The following ZC3H12C variants were observed in gnomAD, a reference collection of about 807,000 sequenced individuals.
The protein encoded by ZC3H12C is probable ribonuclease ZC3H12C.
ZC3H12C carries 20 observed loss-of-function variants against 76.3 expected under a neutral mutation model. The ratio of observed to expected loss-of-function variants is 0.26; its 90% CI spans 0.18 to 0.38. The LOEUF is 0.38. ZC3H12C is among the 10% of genes least tolerant of loss of function. ZC3H12C has a pLI of 1.00. For missense variants in ZC3H12C, 874 were observed against 1,086.5 expected (o/e 0.80, Z 2.75); for synonymous variants, 352 against 399.6 (o/e 0.88, Z 1.42).
At chr11:110,154,756 T>A (rs2134192940) in intron 3 of ZC3H12C, among the ~76,000 whole-genome samples, 1 of 100,272 alleles carries the variant, frequency 1.0e-5, no homozygotes, top group South Asian at 4.5e-4. Flanking sequence ...TTAAAAATGA[T>A]AATTGGCAAG....
intron 2 of ZC3H12C, among the ~76,000 whole-genome samples, chr11:110,146,518 G>T (rs1192427959): frequency 6.6e-6 from 1 of 152,152 alleles, no homozygotes; most frequent in African/African-American, 2.4e-5. Context: ...ATCTCTGGAG[G>T]GGGTAGTAAA....
chr11:110,099,415 T>C (rs1861172446), intron 1 of ZC3H12C, among the ~76,000 whole-genome samples: 1 of 152,178 alleles, frequency 6.6e-6, no homozygotes, highest in African/African-American at 2.4e-5. Context: ...AGTTTGATGA[T>C]GAGCATTAAT....
rs1031604149 is a variant in ZC3H12C at position 110,153,061 on chromosome 11, A to G, written c.913+3A>G. ...CCGACCTGATGCTCTCATTACAGGT[A>G]GGCTTATTCCAGGCGGCTGCTTGTA... On this transcript the variant is annotated splice_donor_region_variant and intron_variant, in intron 3 of 5. Coordinates refer to ENST00000278590, the MANE Select transcript of ZC3H12C (RefSeq NM_033390.2). The G allele has an allele frequency of 1.2e-6, 2 of 1,610,396 alleles. No individual in the cohort carries two copies. Among genetic ancestry groups the G allele is most frequent in the Non-Finnish European group, 1.7e-6 (2 of 1,178,342 alleles).
At chr11:110,142,550 C>T (rs186822588) in intron 2 of ZC3H12C, among the ~76,000 whole-genome samples, 14 of 152,230 alleles carry the variant, frequency 9.2e-5, no homozygotes, top group East Asian at 1.9e-4. Flanking sequence ...CCTTATATGG[C>T]GAAGGAAATC....
At chr11:110,138,137 T>G (rs1256210910) in intron 2 of ZC3H12C, among the ~76,000 whole-genome samples, 2 of 151,990 alleles carry the variant, frequency 1.3e-5, no homozygotes, top group Admixed American at 1.3e-4. Flanking sequence ...AAAAGAAATT[T>G]TTTTGTGTGA....
intron 1 of ZC3H12C, among the ~76,000 whole-genome samples, chr11:110,103,133 A>G (rs900471984): frequency 1.3e-5 from 2 of 152,198 alleles, no homozygotes; most frequent in Admixed American, 6.5e-5. Context: ...TGAGTAAGAG[A>G]TGGTTACAAT....
At position 110,101,442 on chromosome 11, in the gene ZC3H12C, C is replaced by A. The variant is rs535968430; in HGVS notation, c.21+8010C>A. On this transcript the variant is annotated intron_variant, in intron 1 of 5. Coordinates refer to ENST00000278590, the MANE Select transcript of ZC3H12C (RefSeq NM_033390.2). ...GACAATGTCTGACTGCAAGGACAGGCTGAAGGACAAGCTGACTCTCTAAAG... is the reference window on the plus strand; with the variant it reads ...GACAATGTCTGACTGCAAGGACAGGATGAAGGACAAGCTGACTCTCTAAAG... Among the ~76,000 whole-genome samples, 31 of 152,214 alleles carry A rather than the reference C, an allele frequency of 2.0e-4. No individual in the cohort carries two copies. In the South Asian group the frequency reaches 3.7e-3, roughly 18 times the overall value.
rs1202618118 is a variant in ZC3H12C at position 110,118,062 on chromosome 11, TAC to T, written c.22-18591_22-18590del. Among the ~76,000 whole-genome samples, 42 of 64,732 alleles carry T rather than the reference TAC, an allele frequency of 6.5e-4. 9 individuals are homozygous for T. The East Asian group carries it at 0.012, about 18-fold the overall frequency. The allele number at this position is 64,732 out of a possible 152,430, so 42.5% of individuals were successfully genotyped here. A position where few individuals can be genotyped will look rare whatever the true frequency, so the allele number is the denominator to read the frequency against. ...TATATACACATATATATTATATATA[TAC>T]ACACACACATATATATTATATATAT... On this transcript the variant is annotated intron_variant, in intron 1 of 5. Transcript: ENST00000278590.
chr11:110,161,710 T>G (rs1268494029), intron 4 of ZC3H12C, among the ~76,000 whole-genome samples: 3 of 152,216 alleles, frequency 2.0e-5, no homozygotes, highest in African/African-American at 7.2e-5. Context: ...AAAGACCAGA[T>G]GTGTTCATTT....
chr11:110,103,463 T>TGCCA (rs752710080), intron 1 of ZC3H12C, among the ~76,000 whole-genome samples: 29 of 152,342 alleles, frequency 1.9e-4, no homozygotes, highest in South Asian at 1.0e-3. Context: ...ACTAACTTTA[T>TGCCA]GCCAGGTCCA....
rs116363187 is a variant in ZC3H12C, at chr11:110,115,170, G to A, written c.22-21493G>A. ...CATCCAGGCTGGAGTACAGTGGCACGATGATGGCTCACTGCAGCCTCGCAC... is the reference window on the plus strand; with the variant it reads ...CATCCAGGCTGGAGTACAGTGGCACAATGATGGCTCACTGCAGCCTCGCAC... On this transcript the variant is annotated intron_variant, in intron 1 of 5. Transcript: ENST00000278590. 1.5e-3 allele frequency among the ~76,000 whole-genome samples: 233 copies of A among 152,166 alleles called. 1 individual carries two copies. Among genetic ancestry groups the A allele is most frequent in the African/African-American group, 5.5e-3 (229 of 41,508 alleles).
At chr11:110,157,778 C>T (rs1862404130) in intron 3 of ZC3H12C, among the ~76,000 whole-genome samples, 1 of 152,158 alleles carries the variant, frequency 6.6e-6, no homozygotes, top group Non-Finnish European at 1.5e-5. Context: ...TGTCACTCTT[C>T]CATCTGTACC....
chr11:110,154,165 A>G (rs1466410657), intron 3 of ZC3H12C, among the ~76,000 whole-genome samples: 1 of 152,206 alleles, frequency 6.6e-6, no homozygotes, highest in Non-Finnish European at 1.5e-5. Context: ...TGAGCTCAGT[A>G]ATTCAAGACC....
rs776563557 is a variant in ZC3H12C, at chr11:110,159,402, G to T, written c.1060G>T (p.Asp354Tyr). The T allele has an allele frequency of 6.2e-7, 1 of 1,613,950 alleles. No individual in the cohort carries two copies. Among genetic ancestry groups the T allele is most frequent in the South Asian group, 1.1e-5 (1 of 91,016 alleles). The change falls in exon 4 of 6, where the codon GAT becomes TAT. Residue 354 changes from aspartate to tyrosine, a missense_variant. Transcript: ENST00000278590. ...FESDGIIVSN[D>Y]NYRDLANEKP... ...GTCGGACGGTATCATTGTGTCCAAT[G>T]ATAACTACAGGGACTTGGCTAATGA...
chr11:110,093,660 T>A (rs965473026), intron 1 of ZC3H12C, among the ~76,000 whole-genome samples: 2 of 151,666 alleles, frequency 1.3e-5, no homozygotes, highest in African/African-American at 4.8e-5. Flanking sequence ...CAGCGCATCC[T>A]CCCCTCGGGC....
Position 110,152,777 on chromosome 11 carries a change from T to A in ZC3H12C, c.774-142T>A, listed in dbSNP as rs1031471387. The A allele has an allele frequency of 4.5e-6, 4 of 885,180 alleles. No homozygotes were observed. The African/African-American group carries it at 6.8e-5, about 15-fold the overall frequency. 54.8% of individuals were successfully genotyped at this position (885,180 alleles called of 1,614,324 possible). On this transcript the variant is annotated intron_variant, in intron 2 of 5. Coordinates refer to ENST00000278590, the MANE Select transcript of ZC3H12C (RefSeq NM_033390.2). ...TTTTCAACTTAGTTATCTCGATGTG[T>A]CTCTGATCTATAAACTCCATTTTAA...
At chr11:110,100,110 C>T (rs201159916) in intron 1 of ZC3H12C, among the ~76,000 whole-genome samples, 1 of 151,994 alleles carries the variant, frequency 6.6e-6, no homozygotes, top group African/African-American at 2.4e-5. Context: ...TCCCTGAGGG[C>T]AAGGACTCTG....
Position 110,165,171 on chromosome 11 carries a change from A to G in ZC3H12C, c.2086A>G (p.Lys696Glu), listed in dbSNP as rs903381681. The G allele has an allele frequency of 1.9e-6, 3 of 1,613,748 alleles. No homozygotes were observed. The highest frequency in any genetic ancestry group is 1.6e-4 in the Middle Eastern group (1 of 6,084). Reference sequence around the variant, plus strand: ...GCAAAGTTACAGTCACGAAGAACCAAAGTTCCATCACAAGCCTCCTCTTCC... The same window carrying G: ...GCAAAGTTACAGTCACGAAGAACCAGAGTTCCATCACAAGCCTCCTCTTCC... ...RGQSYSHEEP[K>E]FHHKPPLPHL... The change falls in exon 6 of 6, where the codon AAG becomes GAG. Residue 696 changes from lysine (K) to glutamate (E), a missense_variant. Lys to Glu is a moderately conservative substitution (Grantham distance 56, BLOSUM62 1). Around this residue, in one of 3 missense-constraint regions of ZC3H12C, gnomAD observed 395 missense variants for 434.4 expected, o/e 0.91. Coordinates refer to ENST00000278590, the MANE Select transcript of ZC3H12C (RefSeq NM_033390.2).
chr11:110,161,505 TG>T (rs1159265569), intron 4 of ZC3H12C, among the ~76,000 whole-genome samples: 1 of 152,236 alleles, frequency 6.6e-6, no homozygotes, highest in East Asian at 1.9e-4. Flanking sequence ...TCACCTCTTG[TG>T]CTAATTAAAA....
Sources: allele counts gnomAD v4.1 joint callset (sites outside exome capture counted in the v4.1 genomes callset), GRCh38; gene constraint gnomAD v4.1.1; regional missense constraint gnomAD v4.1.1; transcripts MANE v1.5; gene names NCBI Gene and HGNC (gene_info 2026-07-23, HGNC 2026-07-21).